Variants in CACNB2 observed in about 807,000 individuals in gnomAD.
The protein encoded by CACNB2 is voltage-dependent L-type calcium channel subunit beta-2.
In CACNB2, 42 loss-of-function variants were observed where a neutral mutation model predicts 73.3. That is an observed-to-expected ratio of 0.57 (90% CI 0.45 to 0.74). The LOEUF is 0.74. CACNB2 is among the 30% of genes least tolerant of loss of function. The pLI, the probability that CACNB2 is intolerant of heterozygous loss-of-function variation, is 0.00. For synonymous variants in CACNB2, 348 were observed against 310.3 expected (o/e 1.12, Z -1.28); for missense variants, 940 against 853.0 (o/e 1.10, Z -1.27).
At chr10:18,375,250 GTCT>G (rs896774530) in intron 2 of CACNB2, among the ~76,000 whole-genome samples, 1 of 152,052 alleles carries the variant, frequency 6.6e-6, no homozygotes, top group African/African-American at 2.4e-5. Flanking sequence ...GTGTCCAAGT[GTCT>G]TCTTCTCTTT....
chr10:18,205,618 A>G lies in CACNB2; in HGVS notation c.213+54643A>G, dbSNP rs57060415. Among the ~76,000 whole-genome samples the G allele has an allele frequency of 6.7e-3, 1,022 of 152,306 alleles. 15 individuals carry two copies. Among genetic ancestry groups the G allele is most frequent in the African/African-American group, 0.023 (971 of 41,566 alleles). The stretch of plus-strand genomic sequence containing the variant: ...ACAACAAAATTCTATGCAGCTTAAA[A>G]TTCCATTCACAAATATGAATGAAAT... On this transcript the variant is annotated intron_variant, in intron 2 of 13. Transcript: ENST00000324631.
chr10:18,187,033 G>T (rs1381726490), intron 2 of CACNB2, among the ~76,000 whole-genome samples: 1 of 152,156 alleles, frequency 6.6e-6, no homozygotes, highest in Non-Finnish European at 1.5e-5. Flanking sequence ...CATGGAAAGT[G>T]CTAAGAAGGG....
intron 2 of CACNB2, among the ~76,000 whole-genome samples, chr10:18,316,008 A>C (rs1182705584): frequency 1.3e-5 from 2 of 152,198 alleles, no homozygotes; most frequent in African/African-American, 2.4e-5. Flanking sequence ...TAATTTATTT[A>C]GTCACAGGTT....
At chr10:18,432,571 A>C (rs1242504113) in intron 3 of CACNB2, among the ~76,000 whole-genome samples, 1 of 152,072 alleles carries the variant, frequency 6.6e-6, no homozygotes, top group African/African-American at 2.4e-5. Flanking sequence ...AGTGACTTAC[A>C]CCTGTATTCC....
At chr10:18,412,522 C>G (rs1255714791) in intron 3 of CACNB2, among the ~76,000 whole-genome samples, 3 of 152,188 alleles carry the variant, frequency 2.0e-5, no homozygotes, top group Non-Finnish European at 4.4e-5. Context: ...CTGTCTCCAT[C>G]TCTTTACTGA....
At chr10:18,503,457 G>C (rs537042508) in intron 5 of CACNB2, among the ~76,000 whole-genome samples, 17 of 152,252 alleles carry the variant, frequency 1.1e-4, no homozygotes, top group East Asian at 9.7e-4. Context: ...CTAGCTGGGT[G>C]TGGTGGTGCA....
intron 2 of CACNB2, among the ~76,000 whole-genome samples, chr10:18,394,923 A>G (rs1398706179): frequency 6.6e-6 from 1 of 152,184 alleles, no homozygotes; most frequent in East Asian, 1.9e-4. Context: ...CTCTGTTTAT[A>G]TTCTCCGGAG....
intron 3 of CACNB2, among the ~76,000 whole-genome samples, chr10:18,439,217 T>C (rs182119619): frequency 5.3e-5 from 8 of 152,344 alleles, no homozygotes; most frequent in African/African-American, 1.9e-4. Context: ...TTTCACGAGA[T>C]GCTGAATTGC....
chr10:18,150,093 C>A (rs11592100), intron 1 of CACNB2, among the ~76,000 whole-genome samples: 29,889 of 152,000 alleles, frequency 0.2, 3,078 homozygotes, highest in South Asian at 0.26. Flanking sequence ...TAATATTTGC[C>A]CTTACTGCAT....
At chr10:18,212,953 C>T (rs993056546) in intron 2 of CACNB2, among the ~76,000 whole-genome samples, 11 of 152,160 alleles carry the variant, frequency 7.2e-5, no homozygotes, top group Non-Finnish European at 1.6e-4. Flanking sequence ...GACTTTTTGC[C>T]TTTGAGCACT....
intron 3 of CACNB2, among the ~76,000 whole-genome samples, chr10:18,459,273 GT>G (rs1401888473): frequency 1.3e-5 from 2 of 152,104 alleles, no homozygotes; most frequent in Non-Finnish European, 1.5e-5. Flanking sequence ...TAGACCAATT[GT>G]CATTTGCCCC....
At chr10:18,371,179 G>A (rs936719084) in intron 2 of CACNB2, among the ~76,000 whole-genome samples, 2 of 151,394 alleles carry the variant, frequency 1.3e-5, no homozygotes, top group African/African-American at 4.9e-5. Flanking sequence ...GCATATTTCT[G>A]ATTACTGTTA....
intron 2 of CACNB2, among the ~76,000 whole-genome samples, chr10:18,241,049 C>G (rs2131503423): frequency 6.6e-6 from 1 of 152,330 alleles, no homozygotes; most frequent in East Asian, 1.9e-4. Flanking sequence ...ACCTGATTGC[C>G]TCCTTTGGAA....
Position 18,399,185 on chromosome 10 carries a change from C to T in CACNB2, c.214-2739C>T, listed in dbSNP as rs144374563. Among the ~76,000 whole-genome samples, 579 of 152,124 alleles carry T rather than the reference C, an allele frequency of 3.8e-3. 2 individuals are homozygous for T. Among genetic ancestry groups the T allele is most frequent in the Middle Eastern group, 0.014 (4 of 294 alleles). The stretch of plus-strand genomic sequence containing the variant: ...AGACTGGTGACAGTGGGGACAGGGG[C>T]CCCTTATGGGGTATAATTATGCTTC... On this transcript the variant is annotated intron_variant, in intron 2 of 13. Coordinates refer to ENST00000324631, the MANE Select transcript of CACNB2 (RefSeq NM_201596.3).
chr10:18,331,138 A>T (rs1264903708), intron 2 of CACNB2, among the ~76,000 whole-genome samples: 1 of 152,020 alleles, frequency 6.6e-6, no homozygotes, highest in Admixed American at 6.6e-5. Context: ...GGCGTGCGCC[A>T]CCATGCCCAG....
intron 3 of CACNB2, among the ~76,000 whole-genome samples, chr10:18,473,223 A>C (rs1564589461): frequency 6.6e-6 from 1 of 152,220 alleles, no homozygotes; most frequent in Non-Finnish European, 1.5e-5. Flanking sequence ...AACGTATCAC[A>C]GGTGATTTCT....
At chr10:18,472,221 C>CTTTTTTTTTTT (rs200348808) in intron 3 of CACNB2, among the ~76,000 whole-genome samples, 4 of 119,426 alleles carry the variant, frequency 3.3e-5, no homozygotes, top group Non-Finnish European at 5.2e-5. Flanking sequence ...CACTTTTCTT[C>CTTTTTTTTTTT]TTTTTTTTTT....
chr10:18,180,733 C>T (rs188231115), intron 2 of CACNB2, among the ~76,000 whole-genome samples: 11 of 152,012 alleles, frequency 7.2e-5, no homozygotes, highest in Middle Eastern at 3.4e-3. Context: ...TTGGGAGGCA[C>T]GGGCCGGCGG....
In CACNB2 at chr10:18,220,221, ATATATATATAT is replaced by A. The variant is rs1564353723; in HGVS notation, c.213+69247_213+69257del. Among the ~76,000 whole-genome samples the A allele has an allele frequency of 3.0e-4, 17 of 57,268 alleles. 1 individual carries two copies. Among genetic ancestry groups the A allele is most frequent in the African/African-American group, 1.6e-3 (15 of 9,152 alleles). The allele number at this position is 57,268 out of a possible 152,430, so 37.6% of individuals were successfully genotyped here. On this transcript the variant is annotated intron_variant, in intron 2 of 13. Coordinates refer to ENST00000324631, the MANE Select transcript of CACNB2 (RefSeq NM_201596.3). ...TGTGTGTATATATATATATATATAT[ATATATATATAT>A]AGAGAGAGAGAGAGAGAGAGAGAGA...
Sources: gnomAD v4.1 joint callset for allele counts (sites outside exome capture counted in the v4.1 genomes callset) on GRCh38, gnomAD v4.1.1 for gene constraint, MANE v1.5 for transcripts, NCBI Gene and HGNC (gene_info 2026-07-23, HGNC 2026-07-21) for gene names.